SHANK2: variants seen among roughly 807,000 people sequenced by gnomAD.
The protein encoded by SHANK2 is SH3 and multiple ankyrin repeat domains protein 2.
SHANK2 carries 43 observed loss-of-function variants against 133.7 expected under a neutral mutation model. The ratio of observed to expected loss-of-function variants is 0.32; its 90% confidence interval spans 0.25 to 0.41. The LOEUF is 0.41. Ranked by LOEUF, SHANK2 falls within the 10% of genes least tolerant of loss-of-function variation. The pLI, the probability that SHANK2 is intolerant of heterozygous loss-of-function variation, is 1.00. For synonymous variants in SHANK2, 1,017 were observed against 952.8 expected, an observed-to-expected ratio of 1.07 and a Z score of -1.24; for missense variants, 1,994 against 2,235.8, an observed-to-expected ratio of 0.89 and a Z score of 2.18.
intron 21 of SHANK2, among the ~76,000 whole-genome samples, chr11:70,492,787 G>GTTTTTT (rs34452642): frequency 4.2e-5 from 3 of 70,594 alleles, no homozygotes; most frequent in Non-Finnish European, 2.5e-5. Context: ...ACATTTCTGT[G>GTTTTTT]TTTTTTTTTT....
intron 11 of SHANK2, among the ~76,000 whole-genome samples, chr11:70,883,758 G>T (rs1305806387): frequency 6.6e-6 from 1 of 152,210 alleles, no homozygotes; most frequent in African/African-American, 2.4e-5. Context: ...AACAAGACCC[G>T]GCCTCCACCT....
At chr11:70,630,980 G>A (rs1374118029) in intron 17 of SHANK2, 1 of 152,286 alleles carries the variant, frequency 6.6e-6, no homozygotes, top group African/African-American at 2.4e-5. Flanking sequence ...GCCGGGGCCT[G>A]GGGACCGGAC....
At chr11:70,529,031 C>T (rs2059435312) in intron 17 of SHANK2, among the ~76,000 whole-genome samples, 2 of 152,138 alleles carry the variant, frequency 1.3e-5, no homozygotes, top group Non-Finnish European at 2.9e-5. Context: ...CATGGGGCAT[C>T]CTGGAGCCTG....
chr11:70,490,415 C>T (rs567563297), intron 22 of SHANK2, 28 bp from the exon 23 acceptor site: 63 of 1,595,088 alleles, frequency 3.9e-5, no homozygotes, highest in East Asian at 3.8e-4. Flanking sequence ...TAGGGTGAGA[C>T]GCAGCCCTGG....
chr11:71,150,300 G>C (rs1590962448), intron 2 of SHANK2, among the ~76,000 whole-genome samples: 1 of 82,128 alleles, frequency 1.2e-5, no homozygotes, highest in African/African-American at 5.1e-5. Flanking sequence ...GGAGGGAGAA[G>C]GAAGAGGGAG....
chr11:70,759,496 A>G (rs918514442), intron 14 of SHANK2, among the ~76,000 whole-genome samples: 15 of 152,286 alleles, frequency 9.8e-5, no homozygotes, highest in African/African-American at 3.4e-4. Context: ...ACAAAAAACA[A>G]AAAAGCAAAA....
intron 17 of SHANK2, among the ~76,000 whole-genome samples, chr11:70,509,643 G>A (rs941365941): frequency 2.6e-5 from 4 of 152,234 alleles, no homozygotes; most frequent in Admixed American, 1.3e-4. Context: ...GACTTGCAGT[G>A]GCTGCATGTC....
At chr11:71,232,295 T>C (rs1555123061) in intron 1 of SHANK2, among the ~76,000 whole-genome samples, 1 of 152,116 alleles carries the variant, frequency 6.6e-6, no homozygotes, top group African/African-American at 2.4e-5. Flanking sequence ...ACAGCAGCAT[T>C]TGAATCTCGA....
chr11:71,211,236 A>G (rs1555118850), intron 2 of SHANK2, among the ~76,000 whole-genome samples: 1 of 147,706 alleles, frequency 6.8e-6, no homozygotes, highest in African/African-American at 2.5e-5. Flanking sequence ...TGAGATTTTA[A>G]AATTTACACA....
At chr11:70,763,401 G>A (rs910411011) in intron 14 of SHANK2, among the ~76,000 whole-genome samples, 2 of 152,158 alleles carry the variant, frequency 1.3e-5, no homozygotes, top group Non-Finnish European at 2.9e-5. Context: ...TAACTGTGCT[G>A]CCCTGAGGAT....
intron 10 of SHANK2, among the ~76,000 whole-genome samples, chr11:70,953,889 T>G (rs1950879445): frequency 6.6e-6 from 1 of 152,106 alleles, no homozygotes; most frequent in Admixed American, 6.5e-5. Flanking sequence ...AGGAAGGGCC[T>G]GGCACCTCCC....
chr11:70,594,416 G>A (rs117804260), intron 17 of SHANK2, among the ~76,000 whole-genome samples: 1 of 152,284 alleles, frequency 6.6e-6, no homozygotes, highest in Non-Finnish European at 1.5e-5. Flanking sequence ...TATATGAAAA[G>A]CCAGCCTCCT....
chr11:71,211,488 C>G (rs186415478), intron 2 of SHANK2, among the ~76,000 whole-genome samples: 2 of 151,682 alleles, frequency 1.3e-5, no homozygotes, highest in African/African-American at 2.4e-5. Context: ...CAGTGAGCCA[C>G]GGTTGTGCCA....
chr11:70,536,344 A>G (rs974465416), intron 17 of SHANK2, among the ~76,000 whole-genome samples: 1 of 152,208 alleles, frequency 6.6e-6, no homozygotes, highest in African/African-American at 2.4e-5. Context: ...GGCTTGGTCT[A>G]AAATAAAACC....
intron 11 of SHANK2, among the ~76,000 whole-genome samples, chr11:70,854,009 T>C (rs1949130974): frequency 6.6e-6 from 1 of 152,148 alleles, no homozygotes; most frequent in Admixed American, 6.5e-5. Context: ...CTAAATAAGG[T>C]CACATTCTGA....
chr11:70,701,261 G>C (rs782142417), intron 14 of SHANK2, among the ~76,000 whole-genome samples: 2 of 152,162 alleles, frequency 1.3e-5, no homozygotes, highest in African/African-American at 4.8e-5. Context: ...TCCCAGACTG[G>C]AGTTTCATGG....
At chr11:70,932,705 G>A (rs550737142) in intron 10 of SHANK2, among the ~76,000 whole-genome samples, 1 of 152,232 alleles carries the variant, frequency 6.6e-6, no homozygotes, top group African/African-American at 2.4e-5. Flanking sequence ...GGCGGGGCAG[G>A]GGCTCTCCTA....
intron 17 of SHANK2, among the ~76,000 whole-genome samples, chr11:70,567,940 G>A (rs1336913711): frequency 2.0e-5 from 3 of 152,218 alleles, no homozygotes; most frequent in Non-Finnish European, 4.4e-5. Context: ...ACGTCAAATG[G>A]ACTGAGCTAT....
At chr11:71,123,462 G>T (rs1407786567) in intron 3 of SHANK2, among the ~76,000 whole-genome samples, 1 of 152,182 alleles carries the variant, frequency 6.6e-6, no homozygotes, top group African/African-American at 2.4e-5. Flanking sequence ...AATACAGAGG[G>T]ATATGCGAGT....
Sources: allele counts gnomAD v4.1 joint callset (sites outside exome capture counted in the v4.1 genomes callset), GRCh38; gene constraint gnomAD v4.1.1; transcripts MANE v1.5; gene names NCBI Gene and HGNC (gene_info 2026-07-23, HGNC 2026-07-21).